KALRN: variants seen among roughly 807,000 people sequenced by gnomAD.
KALRN encodes kalirin RhoGEF kinase.
Under a neutral mutation model 353.7 loss-of-function variants are expected in KALRN, and 70 were observed. That is an observed-to-expected ratio of 0.20 (90% confidence interval 0.16 to 0.24). The LOEUF (loss-of-function observed/expected upper bound fraction) is 0.24. Among genes scored for constraint, KALRN ranks in the 10% least tolerant of loss-of-function variants. The pLI, the probability that KALRN is intolerant of heterozygous loss-of-function variation, is 1.00. For missense variants in KALRN, 2,791 were observed against 3,756.7 expected, an observed-to-expected ratio of 0.74 and a Z score of 6.72; for synonymous variants, 1,391 against 1,434.8, an observed-to-expected ratio of 0.97 and a Z score of 0.69.
At chr3:124,271,747 G>A (rs557398675) in intron 5 of KALRN, among the ~76,000 whole-genome samples, 1 of 152,268 alleles carries the variant, frequency 6.6e-6, no homozygotes, top group South Asian at 2.1e-4. Flanking sequence ...TGCCTTGATG[G>A]CCCTAGAGAA....
At chr3:124,572,421 T>G (rs547757265) in intron 34 of KALRN, among the ~76,000 whole-genome samples, 30 of 151,658 alleles carry the variant, frequency 2.0e-4, no homozygotes, top group African/African-American at 4.8e-4. Context: ...TAATCTACTG[T>G]TTTTTTTCCT....
intron 52 of KALRN, 68 bp from the exon 53 acceptor site, chr3:124,694,264 A>G: frequency 6.7e-7 from 1 of 1,502,166 alleles, no homozygotes; most frequent in Non-Finnish European, 9.2e-7. Flanking sequence ...GAGGTGTGTT[A>G]AAACAAAATG....
At chr3:124,121,440 T>C (rs1041290994) in intron 1 of KALRN, among the ~76,000 whole-genome samples, 2 of 152,194 alleles carry the variant, frequency 1.3e-5, no homozygotes, top group Non-Finnish European at 2.9e-5. Flanking sequence ...ATGACAGAAA[T>C]TGGGTGGCAG....
intron 1 of KALRN, among the ~76,000 whole-genome samples, chr3:124,045,990 G>C (rs892025699): frequency 2.6e-5 from 4 of 152,182 alleles, no homozygotes; most frequent in Non-Finnish European, 5.9e-5. Flanking sequence ...AGAAAAATAA[G>C]ATGGTAATCA....
chr3:124,241,514 T>C (rs2080436885), intron 3 of KALRN, among the ~76,000 whole-genome samples: 1 of 150,480 alleles, frequency 6.6e-6, no homozygotes, highest in African/African-American at 2.4e-5. Flanking sequence ...CTTTTCTCCA[T>C]ACTTTAGAAT....
chr3:124,693,787 G>T lies in KALRN; in HGVS notation c.7378-17G>T, dbSNP rs333283. 948,980 of 1,503,414 alleles carry T rather than the reference G, an allele frequency of 0.63. 304,831 individuals carry two copies. The highest frequency in any genetic ancestry group is 0.9 in the East Asian group (39,688 of 44,060). 93.1% of individuals were successfully genotyped at this position (1,503,414 alleles called of 1,614,324 possible). A position where few individuals can be genotyped will look rare whatever the true frequency, so the allele number is the denominator to read the frequency against. Reference sequence around the variant, plus strand: ...GTTTAGGATTCAAGCAATTTTCTGTGTCTTTTTGTTTTTCAGATCTTAAAT... The same window carrying T: ...GTTTAGGATTCAAGCAATTTTCTGTTTCTTTTTGTTTTTCAGATCTTAAAT... On this transcript the variant is annotated splice_polypyrimidine_tract_variant and intron_variant, in intron 51 of 59. Coordinates refer to ENST00000682506, the MANE Select transcript of KALRN (RefSeq NM_001388419.1).
At chr3:124,431,159 G>A (rs933165154) in intron 16 of KALRN, among the ~76,000 whole-genome samples, 3 of 152,158 alleles carry the variant, frequency 2.0e-5, no homozygotes, top group African/African-American at 4.8e-5. Flanking sequence ...GGATAAACAA[G>A]TGCAAAGGTC....
intron 35 of KALRN, among the ~76,000 whole-genome samples, chr3:124,633,115 A>C (rs2080961761): frequency 6.6e-6 from 1 of 152,248 alleles, no homozygotes; most frequent in Admixed American, 6.5e-5. Flanking sequence ...GCAGTGCCAC[A>C]CATCAAAAGG....
chr3:124,102,488 C>G (rs2061957580), intron 1 of KALRN, among the ~76,000 whole-genome samples: 1 of 152,202 alleles, frequency 6.6e-6, no homozygotes, highest in South Asian at 2.1e-4. Flanking sequence ...AGGTGCATGG[C>G]TAGTGTTCTG....
At chr3:124,219,565 G>A (rs1039528628) in intron 1 of KALRN, among the ~76,000 whole-genome samples, 2 of 152,290 alleles carry the variant, frequency 1.3e-5, no homozygotes, top group South Asian at 2.1e-4. Context: ...TTTAGCAATT[G>A]CCAAAAGAAG....
intron 33 of KALRN, among the ~76,000 whole-genome samples, chr3:124,520,311 C>T (rs954468955): frequency 6.6e-6 from 1 of 152,068 alleles, no homozygotes; most frequent in African/African-American, 2.4e-5. Flanking sequence ...ATTTTATTTA[C>T]AAAATTAAAC....
intron 13 of KALRN, among the ~76,000 whole-genome samples, chr3:124,410,483 C>T (rs1264772382): frequency 6.6e-6 from 1 of 152,132 alleles, no homozygotes; most frequent in Non-Finnish European, 1.5e-5. Flanking sequence ...AGAACTTTTA[C>T]AAATCTACAA....
chr3:124,669,801 A>G (rs1434019270), intron 47 of KALRN, among the ~76,000 whole-genome samples: 2 of 152,156 alleles, frequency 1.3e-5, no homozygotes, highest in Admixed American at 1.3e-4. Context: ...TGTGTACATC[A>G]TCCTGTACTT....
intron 34 of KALRN, among the ~76,000 whole-genome samples, chr3:124,592,309 C>CAAAAAAAAAAAAA (rs10575664): frequency 2.5e-5 from 3 of 120,644 alleles, no homozygotes; most frequent in African/African-American, 3.1e-5. Context: ...CTCAAAGAAA[C>CAAAAAAAAAAAAA]AAAAAAAAAA....
intron 6 of KALRN, among the ~76,000 whole-genome samples, chr3:124,320,807 T>A (rs1042357128): frequency 2.0e-4 from 30 of 152,238 alleles, no homozygotes; most frequent in Admixed American, 6.5e-4. Flanking sequence ...TAGACAATTC[T>A]GGGCTCCAGA....
chr3:124,042,321 G>C (rs1437363756), intron 1 of KALRN, among the ~76,000 whole-genome samples: 2 of 152,208 alleles, frequency 1.3e-5, no homozygotes, highest in African/African-American at 4.8e-5. Flanking sequence ...TGAAGGCATT[G>C]AATGGAAGGC....
intron 15 of KALRN, among the ~76,000 whole-genome samples, chr3:124,430,259 G>T (rs549181154): frequency 6.6e-6 from 1 of 152,268 alleles, no homozygotes; most frequent in African/African-American, 2.4e-5. Context: ...ATTTCCATAA[G>T]TTGTTGTTAT....
At chr3:124,209,671 T>C (rs937880383) in intron 1 of KALRN, among the ~76,000 whole-genome samples, 4 of 152,062 alleles carry the variant, frequency 2.6e-5, no homozygotes, top group South Asian at 2.1e-4. Flanking sequence ...GATAGGAAAA[T>C]GCCTAGAACT....
intron 58 of KALRN, 43 bp from the exon 59 acceptor site, chr3:124,717,204 C>T (rs2063170951): frequency 3.9e-6 from 6 of 1,529,986 alleles, no homozygotes; most frequent in South Asian, 1.3e-5. Flanking sequence ...TCTATTTCTT[C>T]ATTTCAAACA....
Sources: gnomAD v4.1 joint callset for allele counts (sites outside exome capture counted in the v4.1 genomes callset) on GRCh38, gnomAD v4.1.1 for gene constraint, MANE v1.5 for transcripts, NCBI Gene and HGNC (gene_info 2026-07-23, HGNC 2026-07-21) for gene names.